Variants in SDK1 observed in about 807,000 individuals in gnomAD.
The protein encoded by SDK1 is protein sidekick-1.
A neutral mutation model predicts 245.5 loss-of-function variants in SDK1; 157 were observed. The observed-to-expected ratio is 0.64, with a 90% confidence interval of 0.56 to 0.73. SDK1 has a LOEUF of 0.73. Among genes scored for constraint, SDK1 ranks in the 30% least tolerant of loss-of-function variants. The probability of loss-of-function intolerance (pLI) is 0.00; values close to 1 mark genes in which losing one functional copy is unlikely to be tolerated. For synonymous variants in SDK1, 1,647 were observed against 1,278.5 expected (o/e 1.29, Z -6.15); for missense variants, 3,583 against 3,002.3 (o/e 1.19, Z -4.52).
chr7:3,538,453 C>G (rs903796910), intron 1 of SDK1, among the ~76,000 whole-genome samples: 2 of 152,042 alleles, frequency 1.3e-5, no homozygotes, highest in Non-Finnish European at 2.9e-5. Flanking sequence ...GAGGCAAGTT[C>G]AGAAATCTGA....
chr7:3,523,249 A>G (rs1382026848), intron 1 of SDK1, among the ~76,000 whole-genome samples: 1 of 152,218 alleles, frequency 6.6e-6, no homozygotes, highest in Admixed American at 6.5e-5. Context: ...CATAAATTAA[A>G]GAGCTCTTTC....
intron 1 of SDK1, among the ~76,000 whole-genome samples, chr7:3,316,571 G>C (rs949583927): frequency 6.6e-6 from 1 of 152,190 alleles, no homozygotes; most frequent in Non-Finnish European, 1.5e-5. Context: ...GGAGCATTAT[G>C]TATATATGCT....
rs34066132 is a variant in SDK1 at position 3,769,936 on chromosome 7, C to CTGTGTG, written c.714-51486_714-51481dup. Reference sequence around the variant, plus strand: ...TCTCAGTGTTATTTGTACTTATTGTCTGTGTGTGTGTGTGTGTGTGTGTGT... The same window carrying CTGTGTG: ...TCTCAGTGTTATTTGTACTTATTGTCTGTGTGTGTGTGTGTGTGTGTGTGTGTGTGT... On this transcript the variant is annotated intron_variant, in intron 4 of 44. Coordinates refer to ENST00000404826, the MANE Select transcript of SDK1 (RefSeq NM_152744.4). 9.7e-3 allele frequency among the ~76,000 whole-genome samples: 1,409 copies of CTGTGTG among 144,728 alleles called. 14 individuals carry two copies. The highest frequency in any genetic ancestry group is 0.025 in the Middle Eastern group (7 of 284). The allele number at this position is 144,728 out of a possible 152,430, so 94.9% of individuals were successfully genotyped here.
chr7:3,551,806 G>A (rs1562557490), intron 1 of SDK1, among the ~76,000 whole-genome samples: 1 of 151,882 alleles, frequency 6.6e-6, no homozygotes, highest in Non-Finnish European at 1.5e-5. Context: ...CTCCCGAAGA[G>A]TTGAGATTAC....
intron 40 of SDK1, among the ~76,000 whole-genome samples, chr7:4,226,483 C>G (rs558336301): frequency 2.0e-5 from 3 of 152,248 alleles, no homozygotes; most frequent in Non-Finnish European, 2.9e-5. Context: ...TTACACCCCC[C>G]GCACATTCTA....
Position 3,526,116 on chromosome 7 carries a change from C to G in SDK1, c.299-92964C>G, listed in dbSNP as rs1464790367. 3.3e-5 allele frequency among the ~76,000 whole-genome samples: 5 copies of G among 152,094 alleles called. No individual in the cohort carries two copies. In the East Asian group the frequency reaches 9.7e-4, roughly 29 times the overall value. On this transcript the variant is annotated intron_variant, in intron 1 of 44. Transcript: ENST00000404826. ...GGGTGTGATGGTGCATGCCGGTAATCCCAGCTATTCAGGAGCTGAGGCAGG... is the reference window on the plus strand; with the variant it reads ...GGGTGTGATGGTGCATGCCGGTAATGCCAGCTATTCAGGAGCTGAGGCAGG...
intron 5 of SDK1, among the ~76,000 whole-genome samples, chr7:3,864,054 C>A (rs538432192): frequency 5.9e-5 from 9 of 152,192 alleles, no homozygotes; most frequent in Admixed American, 5.9e-4. Flanking sequence ...ATCCACAGTG[C>A]ACACAGGTTC....
At chr7:3,951,987 A>G in intron 7 of SDK1, 67 bp downstream of exon 7, 1 of 1,433,808 alleles carries the variant, frequency 7.0e-7, no homozygotes, top group Admixed American at 2.2e-5. Flanking sequence ...ACTCTTCTGC[A>G]GAAACAAAAT....
At chr7:4,085,274 A>G (rs912045346) in intron 22 of SDK1, among the ~76,000 whole-genome samples, 2 of 152,224 alleles carry the variant, frequency 1.3e-5, no homozygotes, top group African/African-American at 4.8e-5. Flanking sequence ...TGGTATGACT[A>G]ACAGAGACTA....
rs76129442 is a variant in SDK1, at chr7:3,709,336, C to T, written c.713+67231C>T. Among the ~76,000 whole-genome samples the T allele has an allele frequency of 3.0e-3, 459 of 152,316 alleles. 1 individual carries two copies. Among genetic ancestry groups the T allele is most frequent in the Non-Finnish European group, 5.2e-3 (352 of 68,028 alleles). On this transcript the variant is annotated intron_variant, in intron 4 of 44. Coordinates refer to ENST00000404826, the MANE Select transcript of SDK1 (RefSeq NM_152744.4). ...GATAGAAGTCAGGAATGGTTTCCCT[C>T]CATCCATGCTGGAGACTGGGCATGC... is the stretch of plus-strand genomic sequence containing the variant.
intron 1 of SDK1, among the ~76,000 whole-genome samples, chr7:3,413,129 T>G (rs1430102968): frequency 6.6e-6 from 1 of 152,156 alleles, no homozygotes; most frequent in East Asian, 1.9e-4. Context: ...ATATTTCAGC[T>G]AAACCTGGAT....
intron 5 of SDK1, among the ~76,000 whole-genome samples, chr7:3,923,806 G>A (rs974457793): frequency 3.9e-5 from 6 of 152,172 alleles, no homozygotes; most frequent in Admixed American, 2.6e-4. Flanking sequence ...GCTCCTACCC[G>A]GAATTCTGAC....
chr7:4,217,338 A>C lies in SDK1; in HGVS notation c.5540-2771A>C, dbSNP rs879088391. Among the ~76,000 whole-genome samples, 370 of 41,426 alleles carry C rather than the reference A, an allele frequency of 8.9e-3. 18 individuals are homozygous for C. Among genetic ancestry groups the C allele is most frequent in the Non-Finnish European group, 0.011 (210 of 19,902 alleles). 27.2% of individuals were successfully genotyped at this position (41,426 alleles called of 152,430 possible). A position where few individuals can be genotyped will look rare whatever the true frequency, so the allele number is the denominator to read the frequency against. The stretch of plus-strand genomic sequence containing the variant: ...ACCCGGAGCACCAGGCCACCCGGAG[A>C]ACCACGCCACCCGGAGAACCAGGCC... On this transcript the variant is annotated intron_variant, in intron 38 of 44. Transcript: ENST00000404826.
intron 5 of SDK1, among the ~76,000 whole-genome samples, chr7:3,838,587 A>T (rs1371281351): frequency 6.6e-6 from 1 of 152,144 alleles, no homozygotes; most frequent in East Asian, 1.9e-4. Context: ...GTGCAAACAG[A>T]ACTGTCTATG....
intron 44 of SDK1, among the ~76,000 whole-genome samples, chr7:4,258,354 G>A (rs554410530): frequency 2.0e-4 from 30 of 152,266 alleles, no homozygotes; most frequent in African/African-American, 6.5e-4. Context: ...GGGTGGGCAG[G>A]GGTGTACACA....
At chr7:3,440,043 TCA>T (rs1186770270) in intron 1 of SDK1, among the ~76,000 whole-genome samples, 1 of 152,220 alleles carries the variant, frequency 6.6e-6, no homozygotes, top group African/African-American at 2.4e-5. Flanking sequence ...TAGTCCCCTC[TCA>T]CCTGCATATT....
At chr7:3,772,554 G>A (rs1358150946) in intron 4 of SDK1, among the ~76,000 whole-genome samples, 1 of 152,072 alleles carries the variant, frequency 6.6e-6, no homozygotes, top group Non-Finnish European at 1.5e-5. Context: ...ACTAATAATT[G>A]CTTTTAAAAA....
intron 1 of SDK1, among the ~76,000 whole-genome samples, chr7:3,437,724 G>C (rs1780070984): frequency 6.6e-6 from 1 of 152,162 alleles, no homozygotes. Context: ...ACTCCAGCCT[G>C]GGTGACAGAG....
chr7:4,031,824 C>G (rs1299104083), intron 17 of SDK1, among the ~76,000 whole-genome samples: 1 of 151,944 alleles, frequency 6.6e-6, no homozygotes, highest in Non-Finnish European at 1.5e-5. Flanking sequence ...GTCAAGAGTT[C>G]TAGACCAGCC....
Sources: allele counts gnomAD v4.1 joint callset (sites outside exome capture counted in the v4.1 genomes callset), GRCh38; gene constraint gnomAD v4.1.1; transcripts MANE v1.5; gene names NCBI Gene and HGNC (gene_info 2026-07-23, HGNC 2026-07-21).